Variants in TEAD1 observed in about 807,000 individuals in gnomAD.
TEAD1 encodes the protein transcriptional enhancer factor TEF-1.
A neutral mutation model predicts 54.9 loss-of-function variants in TEAD1; 9 were observed. That is an observed-to-expected ratio of 0.16 (90% CI 0.10 to 0.29). TEAD1 has a LOEUF of 0.29. Ranked by LOEUF, TEAD1 falls within the 10% of genes least tolerant of loss-of-function variation. TEAD1 has a pLI of 1.00. For missense variants in TEAD1, 387 were observed against 535.9 expected, an observed-to-expected ratio of 0.72 and a Z score of 2.74; for synonymous variants, 200 against 187.8, an observed-to-expected ratio of 1.07 and a Z score of -0.53.
chr11:12,903,553 G>T (rs900291139), intron 10 of TEAD1, among the ~76,000 whole-genome samples: 2 of 152,128 alleles, frequency 1.3e-5, no homozygotes, highest in Non-Finnish European at 2.9e-5. Context: ...AGTGGCTCAC[G>T]CCTGTAATTC....
intron 3 of TEAD1, among the ~76,000 whole-genome samples, chr11:12,851,392 T>A (rs546426939): frequency 6.6e-6 from 1 of 152,364 alleles, no homozygotes; most frequent in Non-Finnish European, 1.5e-5. Flanking sequence ...AAAAAATTAC[T>A]ATGCGATGAT....
intron 5 of TEAD1, 99 bp from the exon 6 acceptor site, chr11:12,879,609 G>T: frequency 6.7e-7 from 1 of 1,501,352 alleles, no homozygotes; most frequent in Non-Finnish European, 9.2e-7. Context: ...CTATTTTGTG[G>T]CTCTGTATTT....
At chr11:12,858,144 G>A (rs1312564885) in intron 3 of TEAD1, among the ~76,000 whole-genome samples, 1 of 152,116 alleles carries the variant, frequency 6.6e-6, no homozygotes, top group Non-Finnish European at 1.5e-5. Context: ...TTAGGATGTC[G>A]TATCAGGGCC....
At chr11:12,739,633 A>C (rs1390966919) in intron 2 of TEAD1, among the ~76,000 whole-genome samples, 1 of 152,190 alleles carries the variant, frequency 6.6e-6, no homozygotes, top group East Asian at 1.9e-4. Context: ...AAGGCTGGAT[A>C]ATATTCAAGG....
intron 9 of TEAD1, among the ~76,000 whole-genome samples, chr11:12,895,900 A>G (rs1564981527): frequency 1.3e-5 from 2 of 152,006 alleles, no homozygotes; most frequent in Non-Finnish European, 1.5e-5. Context: ...AACATAGAAG[A>G]CTACGATTTA....
Position 12,727,731 on chromosome 11 carries a change from T to C in TEAD1, c.-54-36448T>C, listed in dbSNP as rs146249362. The stretch of plus-strand genomic sequence containing the variant: ...GAATGAATTACAGAGTGGGAGTGGA[T>C]CTGTGTGAGATGCCGTAGATAAGAA... On this transcript the variant is annotated intron_variant, in intron 2 of 12. Transcript: ENST00000527636. 2.9e-3 allele frequency among the ~76,000 whole-genome samples: 445 copies of C among 152,190 alleles called. 1 individual carries two copies. Among genetic ancestry groups the C allele is most frequent in the African/African-American group, 9.9e-3 (412 of 41,514 alleles).
intron 3 of TEAD1, among the ~76,000 whole-genome samples, chr11:12,820,403 A>G (rs1157486384): frequency 6.6e-6 from 1 of 151,752 alleles, no homozygotes; most frequent in East Asian, 1.9e-4. Flanking sequence ...TGAGAAGAAA[A>G]GCAAAGTTGT....
At chr11:12,701,211 T>G (rs995261474) in intron 2 of TEAD1, among the ~76,000 whole-genome samples, 1 of 152,204 alleles carries the variant, frequency 6.6e-6, no homozygotes, top group Non-Finnish European at 1.5e-5. Flanking sequence ...GGGAACTGTT[T>G]ACTTAGATTT....
At chr11:12,859,755 A>AG (rs1947461284) in intron 3 of TEAD1, among the ~76,000 whole-genome samples, 1 of 152,198 alleles carries the variant, frequency 6.6e-6, no homozygotes, top group Non-Finnish European at 1.5e-5. Context: ...GAAATGGAGT[A>AG]GAAAAAATGT....
rs1564913914 is a variant in TEAD1, at chr11:12,709,357, A to ACC, written c.-55+33796_-55+33797insCC. Among the ~76,000 whole-genome samples, 313 of 151,954 alleles carry ACC rather than the reference A, an allele frequency of 2.1e-3. 1 individual carries two copies. Among genetic ancestry groups the ACC allele is most frequent in the African/African-American group, 6.8e-3 (279 of 41,310 alleles). Reference sequence around the variant, plus strand: ...TCTCTCAAAAAAAATAAAAAAAAAAAACCAGAATAATTTGATGTTTACTTT... The same window carrying ACC: ...TCTCTCAAAAAAAATAAAAAAAAAAACCACCAGAATAATTTGATGTTTACTTT... On this transcript the variant is annotated intron_variant, in intron 2 of 12. Coordinates refer to ENST00000527636, the MANE Select transcript of TEAD1 (RefSeq NM_021961.6).
intron 3 of TEAD1, among the ~76,000 whole-genome samples, chr11:12,799,819 G>A (rs911933314): frequency 1.3e-5 from 2 of 152,004 alleles, no homozygotes; most frequent in South Asian, 2.1e-4. Flanking sequence ...TCTAACCTCC[G>A]TCAAAATAAT....
chr11:12,896,400 A>G (rs914028079), intron 9 of TEAD1, among the ~76,000 whole-genome samples: 2 of 152,166 alleles, frequency 1.3e-5, no homozygotes, highest in African/African-American at 2.4e-5. Context: ...ATCCTTTTGT[A>G]GGAACATACC....
At chr11:12,923,265 T>C (rs953727103) in intron 10 of TEAD1, among the ~76,000 whole-genome samples, 16 of 152,140 alleles carry the variant, frequency 1.1e-4, no homozygotes, top group African/African-American at 4.8e-5. Context: ...GCTTTCTCTT[T>C]AGCGCTTCTT....
chr11:12,851,642 T>C (rs1489490911), intron 3 of TEAD1, among the ~76,000 whole-genome samples: 2 of 151,834 alleles, frequency 1.3e-5, no homozygotes. Flanking sequence ...CTACTAAAAA[T>C]ACAAAAAGTT....
chr11:12,817,901 C>T (rs1400977827), intron 3 of TEAD1, among the ~76,000 whole-genome samples: 3 of 152,166 alleles, frequency 2.0e-5, no homozygotes, highest in South Asian at 2.1e-4. Context: ...TTTGTCCCCA[C>T]GGATTTATAC....
At chr11:12,784,029 C>T (rs539380991) in intron 3 of TEAD1, among the ~76,000 whole-genome samples, 9 of 152,238 alleles carry the variant, frequency 5.9e-5, no homozygotes, top group South Asian at 4.2e-4. Context: ...GAGGCTGACA[C>T]TACAACACTT....
In TEAD1 at chr11:12,942,833, C is replaced by G. The variant is rs1037370389; in HGVS notation, c.*5611C>G. The G allele has an allele frequency of 1.3e-5, 2 of 152,168 alleles. No individual in the cohort carries two copies. Among genetic ancestry groups the G allele is most frequent in the African/African-American group, 2.4e-5 (1 of 41,440 alleles). The allele number at this position is 152,168 out of a possible 1,614,324, so 9.4% of individuals were successfully genotyped here. A position where few individuals can be genotyped will look rare whatever the true frequency, so the allele number is the denominator to read the frequency against. ...AGAAACTTCCAAAGAGCACCATTCA[C>G]AATTTGGCATTTTCAAAGAATGTTC... On this transcript the variant is annotated 3_prime_UTR_variant, in exon 13 of 13. Coordinates refer to ENST00000527636, the MANE Select transcript of TEAD1 (RefSeq NM_021961.6).
chr11:12,777,677 T>C (rs1046672892), intron 3 of TEAD1, among the ~76,000 whole-genome samples: 1 of 152,254 alleles, frequency 6.6e-6, no homozygotes, highest in Non-Finnish European at 1.5e-5. Context: ...CAACTGTTAC[T>C]GCAATCTCTG....
At chr11:12,819,853 T>C (rs1055657618) in intron 3 of TEAD1, among the ~76,000 whole-genome samples, 67 of 152,208 alleles carry the variant, frequency 4.4e-4, no homozygotes, top group African/African-American at 1.3e-3. Flanking sequence ...GATAACAAAA[T>C]AGCTTCTTGA....
Sources: allele counts gnomAD v4.1 joint callset (sites outside exome capture counted in the v4.1 genomes callset), GRCh38; gene constraint gnomAD v4.1.1; transcripts MANE v1.5; gene names NCBI Gene and HGNC (gene_info 2026-07-23, HGNC 2026-07-21).